FGF12: variants seen among roughly 807,000 people sequenced by gnomAD.
The protein encoded by FGF12 is fibroblast growth factor 12, also known as fibroblast growth factor 12B.
Under a neutral mutation model 23.6 loss-of-function variants are expected in FGF12, and 14 were observed. The ratio of observed to expected loss-of-function variants is 0.59; its 90% CI spans 0.39 to 0.93. The LOEUF is 0.93. Among genes scored for constraint, FGF12 ranks in the 40% least tolerant of loss-of-function variants. FGF12 has a pLI of 0.00. For missense variants in FGF12, 175 were observed against 217.8 expected (o/e 0.80, Z 1.24); for synonymous variants, 62 against 77.3 (o/e 0.80, Z 1.04).
chr3:192,698,245 T>G (rs1039319321), intron 2 of FGF12, among the ~76,000 whole-genome samples: 2 of 152,216 alleles, frequency 1.3e-5, no homozygotes, highest in Admixed American at 1.3e-4. Context: ...TCAGATAATG[T>G]GCATGCTCAT....
In FGF12 at chr3:192,685,707, C is replaced by T. The variant is rs186169160; in HGVS notation, c.13+41474G>A. 1.6e-4 allele frequency among the ~76,000 whole-genome samples: 24 copies of T among 152,084 alleles called. No homozygotes were observed. The East Asian group carries it at 3.5e-3, about 22-fold the overall frequency. ...CGGAAGGATGGAAGAGGGAGAGAAT[C>T]GGACTTCAGGCTAAGGGTGCAATAT... is the stretch of plus-strand genomic sequence containing the variant. On this transcript the variant is annotated intron_variant, in intron 2 of 5. Transcript: ENST00000445105.
chr3:192,594,127 T>A (rs956514416), intron 2 of FGF12, among the ~76,000 whole-genome samples: 1 of 151,876 alleles, frequency 6.6e-6, no homozygotes, highest in African/African-American at 2.4e-5. Flanking sequence ...GACTGCCTAT[T>A]TTCAAAAGTT....
chr3:192,172,159 T>TATTTTTTCCTAGGACTAATA (rs1553846289), intron 4 of FGF12, among the ~76,000 whole-genome samples: 1 of 151,412 alleles, frequency 6.6e-6, no homozygotes, highest in Non-Finnish European at 1.5e-5. Flanking sequence ...GAGGTTGAGG[T>TATTTTTTCCTAGGACTAATA]AAGCAGATCA....
At chr3:192,595,499 G>C (rs1057418710) in intron 2 of FGF12, among the ~76,000 whole-genome samples, 1 of 152,158 alleles carries the variant, frequency 6.6e-6, no homozygotes, top group African/African-American at 2.4e-5. Flanking sequence ...GGTTTTAGTA[G>C]AGCAGTGGTT....
At chr3:192,416,623 A>G (rs1354927675) in intron 2 of FGF12, among the ~76,000 whole-genome samples, 4 of 152,282 alleles carry the variant, frequency 2.6e-5, no homozygotes, top group East Asian at 1.9e-4. Context: ...ATTGCTCCCA[A>G]TAAAAATTTA....
chr3:192,561,394 G>C (rs555681678), intron 2 of FGF12, among the ~76,000 whole-genome samples: 1 of 151,302 alleles, frequency 6.6e-6, no homozygotes, highest in Non-Finnish European at 1.5e-5. Context: ...ACAGAGTCTC[G>C]CTCTTTCACC....
At chr3:192,194,303 T>G (rs1018241772) in intron 4 of FGF12, among the ~76,000 whole-genome samples, 1 of 152,314 alleles carries the variant, frequency 6.6e-6, no homozygotes, top group Non-Finnish European at 1.5e-5. Context: ...CAGTGATTAG[T>G]ATTTTCTCAC....
At chr3:192,453,300 T>C (rs1722581184) in intron 2 of FGF12, among the ~76,000 whole-genome samples, 1 of 152,222 alleles carries the variant, frequency 6.6e-6, no homozygotes, top group African/African-American at 2.4e-5. Flanking sequence ...TTTGATCACA[T>C]TTGAAAATCT....
chr3:192,232,249 A>G (rs1309075236), intron 4 of FGF12, among the ~76,000 whole-genome samples: 6 of 152,218 alleles, frequency 3.9e-5, no homozygotes, highest in Non-Finnish European at 5.9e-5. Flanking sequence ...CTGTATCAAC[A>G]GGTCATTTTC....
At chr3:192,638,749 G>A (rs1450286742) in intron 2 of FGF12, among the ~76,000 whole-genome samples, 1 of 152,172 alleles carries the variant, frequency 6.6e-6, no homozygotes, top group Admixed American at 6.5e-5. Context: ...TTTAGCATGA[G>A]TTACAGCCCA....
intron 4 of FGF12, among the ~76,000 whole-genome samples, chr3:192,280,526 T>G (rs1048221017): frequency 3.3e-5 from 5 of 152,206 alleles, no homozygotes; most frequent in African/African-American, 1.2e-4. Flanking sequence ...AAAGCAAATC[T>G]CAAGTCGCTG....
intron 2 of FGF12, among the ~76,000 whole-genome samples, chr3:192,702,490 A>T (rs1349798960): frequency 2.0e-5 from 3 of 152,224 alleles, no homozygotes; most frequent in Non-Finnish European, 4.4e-5. Context: ...ATAGGGTAAT[A>T]TTCATGCCCA....
At chr3:192,566,344 A>AG (rs1263191593) in intron 2 of FGF12, among the ~76,000 whole-genome samples, 3 of 152,252 alleles carry the variant, frequency 2.0e-5, no homozygotes, top group Admixed American at 6.5e-5. Context: ...GCAAGATAAA[A>AG]GAAAAATAAG....
intron 4 of FGF12, among the ~76,000 whole-genome samples, chr3:192,172,956 T>G (rs1359509514): frequency 6.6e-6 from 1 of 151,074 alleles, no homozygotes; most frequent in African/African-American, 2.4e-5. Context: ...ACCATTCAAT[T>G]ATAAAAAAGA....
chr3:192,320,320 T>C (rs996870156), intron 4 of FGF12, among the ~76,000 whole-genome samples: 1 of 152,074 alleles, frequency 6.6e-6, no homozygotes, highest in Non-Finnish European at 1.5e-5. Flanking sequence ...CACCCAACAC[T>C]GAGCAAATAT....
At position 192,678,237 on chromosome 3, in the gene FGF12, G is replaced by A. The variant is rs564344404; in HGVS notation, c.13+48944C>T. On this transcript the variant is annotated intron_variant, in intron 2 of 5. Coordinates refer to ENST00000445105, the MANE Select transcript of FGF12 (RefSeq NM_004113.6). ...TACTCTTACTATTCCCACCTCACAG[G>A]TGAGGAACACAGGTAAAGACATGGT... is the stretch of plus-strand genomic sequence containing the variant. 2.5e-4 allele frequency among the ~76,000 whole-genome samples: 38 copies of A among 152,302 alleles called. No individual in the cohort carries two copies. The South Asian group carries it at 7.9e-3, about 32-fold the overall frequency.
intron 2 of FGF12, among the ~76,000 whole-genome samples, chr3:192,548,169 G>A (rs1385046975): frequency 1.3e-5 from 2 of 152,232 alleles, no homozygotes; most frequent in Middle Eastern, 3.4e-3. Context: ...GGTATGCTGA[G>A]GGAGAGAAGA....
chr3:192,399,758 A>C (rs540621140), intron 2 of FGF12, among the ~76,000 whole-genome samples: 1 of 152,236 alleles, frequency 6.6e-6, no homozygotes, highest in South Asian at 2.1e-4. Context: ...GGCTTATATA[A>C]GCTCTAAGTG....
At chr3:192,297,231 A>C (rs1715091561) in intron 4 of FGF12, among the ~76,000 whole-genome samples, 2 of 152,218 alleles carry the variant, frequency 1.3e-5, no homozygotes, top group Non-Finnish European at 2.9e-5. Context: ...CGATTCATTC[A>C]CTTTTCTGGA....
Sources: gnomAD v4.1 joint callset for allele counts (sites outside exome capture counted in the v4.1 genomes callset) on GRCh38, gnomAD v4.1.1 for gene constraint, MANE v1.5 for transcripts, NCBI Gene and HGNC (gene_info 2026-07-23, HGNC 2026-07-21) for gene names.